Variants in PRDM2 observed in about 807,000 individuals in gnomAD.
The protein encoded by PRDM2 is PR domain zinc finger protein 2.
Under a neutral mutation model 130.0 loss-of-function variants are expected in PRDM2, and 30 were observed. The ratio of observed to expected loss-of-function variants is 0.23; its 90% confidence interval spans 0.17 to 0.31. PRDM2 has a LOEUF of 0.31. PRDM2 is among the 10% of genes least tolerant of loss of function. The pLI, the probability that PRDM2 is intolerant of heterozygous loss-of-function variation, is 1.00. For missense variants in PRDM2, 2,011 were observed against 2,108.4 expected (o/e 0.95, Z 0.90); for synonymous variants, 871 against 782.4 (o/e 1.11, Z -1.89).
chr1:13,747,024 A>G (rs1401922570), intron 5 of PRDM2, among the ~76,000 whole-genome samples: 1 of 152,254 alleles, frequency 6.6e-6, no homozygotes, highest in African/African-American at 2.4e-5. Flanking sequence ...CCTCCCAAGT[A>G]GAGTTTGTGT....
chr1:13,778,108 C>G (rs969050644), intron 7 of PRDM2, among the ~76,000 whole-genome samples: 8 of 152,146 alleles, frequency 5.3e-5, no homozygotes, highest in African/African-American at 1.9e-4. Context: ...AGAGTTGTAT[C>G]TGTGTGCAAC....
At chr1:13,790,900 G>A (rs1026240788) in intron 8 of PRDM2, among the ~76,000 whole-genome samples, 3 of 152,086 alleles carry the variant, frequency 2.0e-5, no homozygotes, top group African/African-American at 7.2e-5. Flanking sequence ...CTTTAGGGTG[G>A]ATTCAGTCTG....
At chr1:13,734,053 C>G (rs1283703277) in intron 4 of PRDM2, among the ~76,000 whole-genome samples, 2 of 152,136 alleles carry the variant, frequency 1.3e-5, no homozygotes, top group Non-Finnish European at 2.9e-5. Flanking sequence ...CAGTTTCTCC[C>G]AATAATTTTG....
intron 6 of PRDM2, chr1:13,769,145 GCGCCCTGTAGGACCC>G (rs1484118688): frequency 1.0e-6 from 1 of 985,592 alleles, no homozygotes; most frequent in African/African-American, 1.7e-5. Flanking sequence ...GCTGGCAGTA[GCGCCCTGTAGGACCC>G]CCAGGACCCG....
chr1:13,738,500 T>C (rs1643338989), intron 4 of PRDM2, among the ~76,000 whole-genome samples: 1 of 152,238 alleles, frequency 6.6e-6, no homozygotes, highest in African/African-American at 2.4e-5. Flanking sequence ...TGTGTAGTTG[T>C]AGTATAAAAT....
In PRDM2 at chr1:13,784,163, G is replaced by A. The variant is rs1179258591; in HGVS notation, c.5036+1332G>A. Among the ~76,000 whole-genome samples the A allele has an allele frequency of 4.6e-5, 7 of 152,150 alleles. No homozygotes were observed. In the East Asian group the frequency reaches 5.8e-4, roughly 13 times the overall value. ...TCTGACCAACGCTCGGTCTCTGGCC[G>A]CGGCACATACATAGGTAGCATCTTG... On this transcript the variant is annotated intron_variant, in intron 8 of 9. Transcript: ENST00000311066.
Position 13,782,502 on chromosome 1 carries a change from C to T in PRDM2, c.4707C>T (p.Ser1569=). Reference sequence around the variant, plus strand: ...CTTCGGTGAAATCCAAAAAACCAAGCTCCTCCTCTTTAAGGAACTCCAGCC... The same window carrying T: ...CTTCGGTGAAATCCAAAAAACCAAGTTCCTCCTCTTTAAGGAACTCCAGCC... The part of the protein sequence containing the change: ...FAASVKSKKP[S]SSSLRNSSPI... The change falls in exon 8 of 10, where the codon AGC becomes AGT. Residue 1569 remains serine (S), a synonymous_variant. Coordinates refer to ENST00000311066, the MANE Select transcript of PRDM2 (RefSeq NM_001393986.1). The T allele has an allele frequency of 6.2e-7, 1 of 1,614,134 alleles. No individual in the cohort carries two copies. Among genetic ancestry groups the T allele is most frequent in the Admixed American group, 1.7e-5 (1 of 60,016 alleles).
chr1:13,768,082 T>G (rs1413608435), intron 6 of PRDM2, among the ~76,000 whole-genome samples: 3 of 148,042 alleles, frequency 2.0e-5, no homozygotes, highest in Admixed American at 2.0e-4. Context: ...GAGTTTTTTT[T>G]TTTTTTTTTT....
At position 13,757,778 on chromosome 1, in the gene PRDM2, C is replaced by CTT. The variant is rs34501705; in HGVS notation, c.511+8312_511+8313dup. On this transcript the variant is annotated intron_variant, in intron 6 of 9. Coordinates refer to ENST00000311066, the MANE Select transcript of PRDM2 (RefSeq NM_001393986.1). ...AATGTTTATTTGCAGAGGTGGATAG[C>CTT]TTTTTTTTTTTTTTTTTTTTTTAAC... 1.8e-3 allele frequency among the ~76,000 whole-genome samples: 192 copies of CTT among 105,884 alleles called. 2 individuals carry two copies. The South Asian group carries it at 0.038, about 21-fold the overall frequency. 69.5% of individuals were successfully genotyped at this position (105,884 alleles called of 152,430 possible). A position where few individuals can be genotyped will look rare whatever the true frequency, so the allele number is the denominator to read the frequency against.
At chr1:13,820,731 A>G (rs976480721) in intron 9 of PRDM2, among the ~76,000 whole-genome samples, 1 of 150,722 alleles carries the variant, frequency 6.6e-6, no homozygotes, top group African/African-American at 2.4e-5. Context: ...CCTCCACCTC[A>G]GGTCCAGCCC....
rs536536632 is a variant in PRDM2 at position 13,817,051 on chromosome 1, T to C, written c.*23+481T>C. On this transcript the variant is annotated intron_variant, in intron 9 of 9. Coordinates refer to ENST00000311066, the MANE Select transcript of PRDM2 (RefSeq NM_001393986.1). ...GATGACCGAGTTCCTATTCTCACAA[T>C]GTTTTTGAAAGTCAAAATAATACAG... 1.0e-3 allele frequency among the ~76,000 whole-genome samples: 154 copies of C among 152,370 alleles called. 5 individuals are homozygous for C. The South Asian group carries it at 0.03, about 30-fold the overall frequency.
rs1316548052 is a variant in PRDM2, at chr1:13,821,280, A to G, written c.*24-1879A>G. On this transcript the variant is annotated intron_variant, in intron 9 of 9. Transcript: ENST00000311066. ...AAGCCTTCCATAAACAACTGGTATT[A>G]TTATTATTATTATTGAAATATTACA... is the stretch of plus-strand genomic sequence containing the variant. 2.0e-5 allele frequency among the ~76,000 whole-genome samples: 3 copies of G among 152,108 alleles called. No individual in the cohort carries two copies. In the South Asian group the frequency reaches 6.2e-4, roughly 32 times the overall value.
intron 6 of PRDM2, among the ~76,000 whole-genome samples, chr1:13,761,878 A>G (rs953422245): frequency 1.3e-5 from 2 of 152,140 alleles, no homozygotes; most frequent in East Asian, 3.9e-4. Context: ...ATTCTCTCTA[A>G]CTTCTGTCTT....
intron 4 of PRDM2, among the ~76,000 whole-genome samples, chr1:13,736,905 T>C (rs1462243967): frequency 6.6e-6 from 1 of 152,240 alleles, no homozygotes; most frequent in African/African-American, 2.4e-5. Flanking sequence ...AGAAGTAGAA[T>C]TGCATGTCAG....
intron 4 of PRDM2, among the ~76,000 whole-genome samples, chr1:13,739,394 C>T (rs908352255): frequency 1.3e-5 from 2 of 152,132 alleles, no homozygotes; most frequent in Non-Finnish European, 2.9e-5. Flanking sequence ...TGCCTTTATG[C>T]TGATCAATGT....
rs1276994377 is a variant in PRDM2, at chr1:13,771,799, A to G, written c.512-1279A>G. 1.3e-5 allele frequency: 2 copies of G among 152,194 alleles called. No homozygotes were observed. Among genetic ancestry groups the G allele is most frequent in the Non-Finnish European group, 2.9e-5 (2 of 68,016 alleles). 9.4% of individuals were successfully genotyped at this position (152,194 alleles called of 1,614,324 possible). A position where few individuals can be genotyped will look rare whatever the true frequency, so the allele number is the denominator to read the frequency against. On this transcript the variant is annotated intron_variant, in intron 6 of 9. Transcript: ENST00000311066. The surrounding 1 kb of genome is among the most constrained non-coding windows in gnomAD (Gnocchi z 4.1). ...TTACGTTTTAAGACTAACAAGCAAA[A>G]TGACTGTTAAGGTTATGTCTCAAAT...
chr1:13,765,026 G>C (rs1029813439), intron 6 of PRDM2, among the ~76,000 whole-genome samples: 1 of 152,228 alleles, frequency 6.6e-6, no homozygotes, highest in Non-Finnish European at 1.5e-5. Context: ...AAAACTAACT[G>C]TTGCAGTGTC....
chr1:13,816,516 C>T lies in PRDM2; in HGVS notation c.5126C>T (p.Ala1709Val), dbSNP rs1645260651. 2 of 1,614,182 alleles carry T rather than the reference C, an allele frequency of 1.2e-6. No individual in the cohort carries two copies. The highest frequency in any genetic ancestry group is 1.7e-5 in the Admixed American group (1 of 60,028). ...AGGAAGGTCAAAGCTCCAGCTGCAGCCCAGTTCCAGGGACCATTCTTCAAA... is the reference window on the plus strand; with the variant it reads ...AGGAAGGTCAAAGCTCCAGCTGCAGTCCAGTTCCAGGGACCATTCTTCAAA... ...QYRKVKAPAA[A>V]QFQGPFFKE The change falls in exon 9 of 10, where the codon GCC becomes GTC. Residue 1709 changes from alanine (A) to valine (V), a missense_variant. Physicochemically the swap from Ala to Val is moderately conservative, Grantham distance 64. Transcript: ENST00000311066.
At chr1:13,773,362 C>A in intron 7 of PRDM2, 174 bp downstream of exon 7, 1 of 405,798 alleles carries the variant, frequency 2.5e-6, no homozygotes. Context: ...ATGCTACCTT[C>A]CCTTCAAACA....
Sources: gnomAD v4.1 joint callset for allele counts (sites outside exome capture counted in the v4.1 genomes callset) on GRCh38, gnomAD v4.1.1 for gene constraint, Gnocchi (gnomAD v3.1) non-coding constraint, MANE v1.5 for transcripts, NCBI Gene and HGNC (gene_info 2026-07-23, HGNC 2026-07-21) for gene names.